The following QTMAN variants were observed in gnomAD, a reference collection of about 807,000 sequenced individuals.
The protein encoded by QTMAN is queuosine-tRNA mannosyltransferase, also known as tRNA-queuosine alpha-mannosyltransferase.
chr2:144,069,519 G>T, the QTMAN span, among the ~76,000 whole-genome samples: 21 of 152,082 alleles, frequency 1.4e-4, no homozygotes, highest in African/African-American at 4.6e-4. Flanking sequence ...TGTTCTTGAT[G>T]AAATATCCAT....
At chr2:143,975,579 G>T in the QTMAN span, among the ~76,000 whole-genome samples, 9 of 152,216 alleles carry the variant, frequency 5.9e-5, no homozygotes, top group African/African-American at 2.2e-4. Flanking sequence ...TGAGCACACA[G>T]AAGACTCCAT....
At chr2:144,292,706 T>C in the QTMAN span, among the ~76,000 whole-genome samples, 95 of 152,220 alleles carry the variant, frequency 6.2e-4, no homozygotes, top group African/African-American at 2.2e-3. Flanking sequence ...ATTGAGTATG[T>C]TCAATAAACT....
the QTMAN span, among the ~76,000 whole-genome samples, chr2:144,052,941 G>C: frequency 6.6e-6 from 1 of 152,146 alleles, no homozygotes; most frequent in Non-Finnish European, 1.5e-5. Context: ...GAGCCACCAC[G>C]CCCGGCCTAT....
the QTMAN span, among the ~76,000 whole-genome samples, chr2:144,253,320 G>A: frequency 1.3e-5 from 2 of 152,126 alleles, no homozygotes; most frequent in African/African-American, 4.8e-5. Flanking sequence ...GCAAACTAAT[G>A]CAGTAAATTA....
chr2:143,983,230 G>T, the QTMAN span, among the ~76,000 whole-genome samples: 1 of 152,152 alleles, frequency 6.6e-6, no homozygotes, highest in African/African-American at 2.4e-5. Flanking sequence ...AACAGTTGAG[G>T]GGATTAAGTG....
the QTMAN span, among the ~76,000 whole-genome samples, chr2:144,094,919 T>G: frequency 6.6e-6 from 1 of 152,124 alleles, no homozygotes; most frequent in Non-Finnish European, 1.5e-5. Context: ...TGGTGGAAAT[T>G]TTTTACCCTT....
At chr2:144,128,716 A>G in the QTMAN span, among the ~76,000 whole-genome samples, 1 of 151,910 alleles carries the variant, frequency 6.6e-6, no homozygotes, top group Non-Finnish European at 1.5e-5. Flanking sequence ...TTGGATGGGA[A>G]GATTTCTAAA....
At chr2:144,227,876 A>G in the QTMAN span, among the ~76,000 whole-genome samples, 3 of 152,312 alleles carry the variant, frequency 2.0e-5, no homozygotes, top group Admixed American at 6.5e-5. Flanking sequence ...ATCTCACTCT[A>G]GGGGCTAGAA....
chr2:144,088,768 A>G, the QTMAN span, among the ~76,000 whole-genome samples: 2 of 152,070 alleles, frequency 1.3e-5, no homozygotes, highest in African/African-American at 4.8e-5. Context: ...GGATAGCTAC[A>G]GGCAGAAAAA....
chr2:144,093,611 A>G, the QTMAN span, among the ~76,000 whole-genome samples: 1 of 152,244 alleles, frequency 6.6e-6, no homozygotes, highest in Non-Finnish European at 1.5e-5. Flanking sequence ...CTAATTCTCA[A>G]AATTAAATAT....
the QTMAN span, among the ~76,000 whole-genome samples, chr2:144,026,379 G>A: frequency 3.9e-5 from 6 of 152,240 alleles, no homozygotes; most frequent in Admixed American, 2.0e-4. Context: ...AGGTTGCAGT[G>A]AGCCGAGACT....
chr2:143,963,143 T>G, the QTMAN span, among the ~76,000 whole-genome samples: 19 of 152,262 alleles, frequency 1.2e-4, no homozygotes, highest in Admixed American at 1.2e-3. Context: ...TCCTCACCTA[T>G]ACATAGGGGA....
chr2:144,313,280 T>C, the QTMAN span, among the ~76,000 whole-genome samples: 1 of 152,260 alleles, frequency 6.6e-6, no homozygotes, highest in African/African-American at 2.4e-5. Context: ...TATTCTCTTT[T>C]ACTAAGCCCC....
chr2:144,129,114 T>A, the QTMAN span, among the ~76,000 whole-genome samples: 1 of 151,938 alleles, frequency 6.6e-6, no homozygotes, highest in East Asian at 1.9e-4. Flanking sequence ...AAATAAGTTT[T>A]GATATTATAA....
the QTMAN span, among the ~76,000 whole-genome samples, chr2:143,977,821 A>G: frequency 6.6e-6 from 1 of 152,306 alleles, no homozygotes; most frequent in South Asian, 2.1e-4. Flanking sequence ...CATATTCTCA[A>G]CTTTCTTTTT....
chr2:144,239,206 ACAAGCTAT>A, the QTMAN span, among the ~76,000 whole-genome samples: 418 of 152,268 alleles, frequency 2.7e-3, 2 homozygotes, highest in African/African-American at 9.2e-3. Context: ...AGTGGATGCT[ACAAGCTAT>A]CAATATAGAA....
the QTMAN span, among the ~76,000 whole-genome samples, chr2:144,039,589 T>C: frequency 6.6e-6 from 1 of 152,222 alleles, no homozygotes; most frequent in Non-Finnish European, 1.5e-5. Context: ...AAGATAAAAA[T>C]GCATTTTCTG....
At chr2:144,328,593 G>A in the QTMAN span, among the ~76,000 whole-genome samples, 1 of 152,228 alleles carries the variant, frequency 6.6e-6, no homozygotes, top group African/African-American at 2.4e-5. Context: ...GTAGGTGACA[G>A]AGGTCTTAAA....
At chr2:144,173,968 C>T in the QTMAN span, among the ~76,000 whole-genome samples, 1 of 152,170 alleles carries the variant, frequency 6.6e-6, no homozygotes, top group African/African-American at 2.4e-5. Context: ...GTGGAAGGAA[C>T]CCAAGTCCCT....
Sources: allele counts gnomAD v4.1 joint callset (sites outside exome capture counted in the v4.1 genomes callset), GRCh38; gene constraint gnomAD v4.1.1; transcripts MANE v1.5; gene names NCBI Gene and HGNC (gene_info 2026-07-23, HGNC 2026-07-21).